Variants in AFF3 observed in about 807,000 individuals in gnomAD.
The protein encoded by AFF3 is ALF transcription elongation factor 3.
Under a neutral mutation model 129.7 loss-of-function variants are expected in AFF3, and 32 were observed. That is an observed-to-expected ratio of 0.25 (90% CI 0.19 to 0.33). The LOEUF is 0.33. AFF3 is among the 10% of genes least tolerant of loss of function. AFF3 has a pLI of 1.00. For synonymous variants in AFF3, 644 were observed against 635.4 expected (o/e 1.01, Z -0.20); for missense variants, 1,373 against 1,592.0 (o/e 0.86, Z 2.34).
chr2:99,819,865 T>C (rs1687515228), intron 8 of AFF3, among the ~76,000 whole-genome samples: 1 of 152,156 alleles, frequency 6.6e-6, no homozygotes, highest in Non-Finnish European at 1.5e-5. Context: ...CTCTCCATCT[T>C]TACCTTCCCC....
chr2:99,932,696 C>T (rs754298183), intron 7 of AFF3, among the ~76,000 whole-genome samples: 2 of 151,782 alleles, frequency 1.3e-5, no homozygotes, highest in Admixed American at 6.6e-5. Flanking sequence ...GTAGGGACTG[C>T]GTCTTGAATT....
chr2:99,797,945 C>T (rs188650589), intron 8 of AFF3, among the ~76,000 whole-genome samples: 146 of 151,686 alleles, frequency 9.6e-4, no homozygotes, highest in African/African-American at 3.3e-3. Flanking sequence ...TGCTAACAGA[C>T]GGAAATATAA....
At chr2:99,972,762 G>C (rs1046226642) in intron 7 of AFF3, among the ~76,000 whole-genome samples, 1 of 152,158 alleles carries the variant, frequency 6.6e-6, no homozygotes, top group Admixed American at 6.5e-5. Context: ...ACTGTAGAGT[G>C]GTCGGGAACT....
intron 4 of AFF3, among the ~76,000 whole-genome samples, chr2:100,013,181 T>C (rs183049185): frequency 6.6e-6 from 1 of 152,352 alleles, no homozygotes; most frequent in East Asian, 1.9e-4. Flanking sequence ...CGGTATCTTG[T>C]AGAGCTCCAG....
At chr2:99,993,751 T>C (rs1680570549) in intron 7 of AFF3, among the ~76,000 whole-genome samples, 1 of 137,650 alleles carries the variant, frequency 7.3e-6, no homozygotes, top group South Asian at 2.6e-4. Flanking sequence ...AAGGGACAAA[T>C]CAAAAACAGT....
intron 11 of AFF3, among the ~76,000 whole-genome samples, chr2:99,702,178 C>A (rs964294164): frequency 1.3e-5 from 2 of 152,204 alleles, no homozygotes; most frequent in African/African-American, 4.8e-5. Flanking sequence ...ATAAAAGGAA[C>A]TACCAAATTA....
At chr2:99,977,513 A>T (rs889759430) in intron 7 of AFF3, among the ~76,000 whole-genome samples, 4 of 152,190 alleles carry the variant, frequency 2.6e-5, no homozygotes, top group African/African-American at 7.2e-5. Context: ...AATTTTTTTT[A>T]AAAATCAGTA....
At chr2:99,909,948 A>C (rs1332342037) in intron 7 of AFF3, among the ~76,000 whole-genome samples, 1 of 152,192 alleles carries the variant, frequency 6.6e-6, no homozygotes, top group African/African-American at 2.4e-5. Flanking sequence ...TTGAAGTCCT[A>C]ACCCCAGTTC....
At chr2:100,105,171 C>T (rs1691189505) in intron 3 of AFF3, 5 of 375,960 alleles carry the variant, frequency 1.3e-5, no homozygotes, top group Non-Finnish European at 1.9e-5. Flanking sequence ...CGGCCCCGCC[C>T]GGCCTTGCCC....
At chr2:99,894,652 T>C (rs1284487379) in intron 7 of AFF3, among the ~76,000 whole-genome samples, 1 of 151,798 alleles carries the variant, frequency 6.6e-6, no homozygotes, top group African/African-American at 2.4e-5. Context: ...TTTTTTTGTA[T>C]TTTTAGTAAA....
intron 7 of AFF3, among the ~76,000 whole-genome samples, chr2:99,982,102 G>C (rs569001618): frequency 6.6e-6 from 1 of 152,184 alleles, no homozygotes; most frequent in African/African-American, 2.4e-5. Flanking sequence ...AGGTGGGTGG[G>C]ACCAAACTAC....
intron 7 of AFF3, among the ~76,000 whole-genome samples, chr2:99,905,238 C>G (rs373964409): frequency 6.6e-6 from 1 of 152,216 alleles, no homozygotes; most frequent in African/African-American, 2.4e-5. Flanking sequence ...GTGGAGCCCA[C>G]GTCTTCACAG....
At chr2:99,682,528 C>A (rs563800824) in intron 11 of AFF3, among the ~76,000 whole-genome samples, 20 of 152,326 alleles carry the variant, frequency 1.3e-4, no homozygotes, top group African/African-American at 4.8e-4. Flanking sequence ...GAGATTCCAG[C>A]TTGTTCTTCA....
At chr2:99,947,649 TAGATAGAC>T (rs1235959936) in intron 7 of AFF3, among the ~76,000 whole-genome samples, 41 of 118,940 alleles carry the variant, frequency 3.4e-4, no homozygotes, top group East Asian at 5.7e-4. Context: ...GATAGATAGA[TAGATAGAC>T]AGACAGACAG....
chr2:99,879,043 G>A (rs2106003769), intron 7 of AFF3, among the ~76,000 whole-genome samples: 1 of 152,286 alleles, frequency 6.6e-6, no homozygotes, highest in East Asian at 1.9e-4. Flanking sequence ...GGGCAGCCCA[G>A]GAATCTGCGG....
chr2:99,802,882 G>A (rs911112440), intron 8 of AFF3, among the ~76,000 whole-genome samples: 1 of 151,964 alleles, frequency 6.6e-6, no homozygotes, highest in African/African-American at 2.4e-5. Flanking sequence ...TTTTCTAGGT[G>A]TACAATCATA....
At chr2:99,761,082 G>A (rs888081525) in intron 8 of AFF3, among the ~76,000 whole-genome samples, 1 of 151,880 alleles carries the variant, frequency 6.6e-6, no homozygotes, top group Admixed American at 6.6e-5. Flanking sequence ...AGATACTCCA[G>A]GTGATGGAAC....
At chr2:99,715,869 T>G (rs1678336665) in intron 11 of AFF3, among the ~76,000 whole-genome samples, 1 of 152,116 alleles carries the variant, frequency 6.6e-6, no homozygotes, top group Non-Finnish European at 1.5e-5. Flanking sequence ...AGACAGGGTT[T>G]CACCGTGTTA....
At chr2:100,014,954 A>ATTTTTTTTTTTTTTT (rs562822524) in intron 4 of AFF3, among the ~76,000 whole-genome samples, 4 of 121,658 alleles carry the variant, frequency 3.3e-5, no homozygotes, top group African/African-American at 1.3e-4. Context: ...CAGCCAGCTA[A>ATTTTTTTTTTTTTTT]TTTTTTTTTT....
Sources: gnomAD v4.1 joint callset for allele counts (sites outside exome capture counted in the v4.1 genomes callset) on GRCh38, gnomAD v4.1.1 for gene constraint, MANE v1.5 for transcripts, NCBI Gene and HGNC (gene_info 2026-07-23, HGNC 2026-07-21) for gene names.